NRXN1: variants seen among roughly 807,000 people sequenced by gnomAD.
NRXN1 encodes neurexin-1.
Under a neutral mutation model 150.9 loss-of-function variants are expected in NRXN1, and 39 were observed. That is an observed-to-expected ratio of 0.26 (90% confidence interval 0.20 to 0.34). The LOEUF is 0.34. Among genes scored for constraint, NRXN1 ranks in the 10% least tolerant of loss-of-function variants. NRXN1 has a pLI of 1.00. For synonymous variants in NRXN1, 924 were observed against 757.0 expected, an observed-to-expected ratio of 1.22 and a Z score of -3.62; for missense variants, 1,815 against 1,949.9, an observed-to-expected ratio of 0.93 and a Z score of 1.30.
At chr2:50,915,910 T>C (rs1368205047) in intron 5 of NRXN1, among the ~76,000 whole-genome samples, 2 of 150,110 alleles carry the variant, frequency 1.3e-5, no homozygotes, top group African/African-American at 4.9e-5. Flanking sequence ...TGAGGCTAAA[T>C]TATTTACTCA....
At chr2:50,260,229 T>C (rs958496337) in intron 17 of NRXN1, among the ~76,000 whole-genome samples, 5 of 151,724 alleles carry the variant, frequency 3.3e-5, no homozygotes, top group Admixed American at 2.6e-4. Flanking sequence ...TTTAGGAAAA[T>C]AGAAAAAAAG....
At chr2:50,874,993 A>C (rs528422857) in intron 5 of NRXN1, among the ~76,000 whole-genome samples, 1 of 151,986 alleles carries the variant, frequency 6.6e-6, no homozygotes, top group East Asian at 1.9e-4. Context: ...TTGTCCATAC[A>C]CAAAAGTGGT....
At chr2:50,076,523 G>A (rs1360550761) in intron 19 of NRXN1, among the ~76,000 whole-genome samples, 1 of 152,176 alleles carries the variant, frequency 6.6e-6, no homozygotes, top group Non-Finnish European at 1.5e-5. Context: ...TTAGGAAAAT[G>A]AGATTAAAGA....
chr2:50,367,509 G>C (rs1469531253), intron 17 of NRXN1, among the ~76,000 whole-genome samples: 1 of 151,538 alleles, frequency 6.6e-6, no homozygotes, highest in African/African-American at 2.4e-5. Context: ...TCTGCAACAG[G>C]ATCTGTACCA....
intron 18 of NRXN1, among the ~76,000 whole-genome samples, chr2:50,102,133 C>A (rs766663712): frequency 1.1e-4 from 16 of 151,992 alleles, no homozygotes; most frequent in Non-Finnish European, 2.1e-4. Flanking sequence ...AATCTATGTT[C>A]ATGTGTGTGA....
intron 2 of NRXN1, among the ~76,000 whole-genome samples, chr2:50,945,256 CTT>C (rs1008621672): frequency 1.3e-5 from 2 of 152,168 alleles, no homozygotes; most frequent in Non-Finnish European, 2.9e-5. Context: ...AGGAGGATCA[CTT>C]GAGCCCCAAG....
Position 50,757,746 on chromosome 2 carries a change from G to C in NRXN1, c.833-134131C>G, listed in dbSNP as rs1005991922. The stretch of plus-strand genomic sequence containing the variant: ...TGGGCATGACCAGGAAAAAGTTGAG[G>C]GTTACAAGACTGGTGACCCTCAAGA... On this transcript the variant is annotated intron_variant, in intron 5 of 22. Coordinates refer to ENST00000401669, the MANE Select transcript of NRXN1 (RefSeq NM_001330078.2). Among the ~76,000 whole-genome samples, 8 of 151,674 alleles carry C rather than the reference G, an allele frequency of 5.3e-5. 1 individual carries two copies. The highest frequency in any genetic ancestry group is 4.6e-4 in the Admixed American group (7 of 15,198).
At chr2:50,363,169 A>C (rs2079344659) in intron 17 of NRXN1, among the ~76,000 whole-genome samples, 1 of 152,248 alleles carries the variant, frequency 6.6e-6, no homozygotes, top group African/African-American at 2.4e-5. Flanking sequence ...AACATTCAAA[A>C]CATAGGCATG....
rs903462145 is a variant in NRXN1, at chr2:50,034,812, T to C, written c.4128+18459A>G. On this transcript the variant is annotated intron_variant, in intron 21 of 22. Coordinates refer to ENST00000401669, the MANE Select transcript of NRXN1 (RefSeq NM_001330078.2). ...TCATATTTCCATTCCTTTCTAAAAA[T>C]GTATTTTCTATGTTGACTTACCTGA... Among the ~76,000 whole-genome samples the C allele has an allele frequency of 7.9e-5, 12 of 152,246 alleles. No homozygotes were observed. In the East Asian group the frequency reaches 2.3e-3, roughly 29 times the overall value.
intron 2 of NRXN1, among the ~76,000 whole-genome samples, chr2:50,940,405 G>A (rs1689234223): frequency 6.6e-6 from 1 of 151,394 alleles, no homozygotes; most frequent in African/African-American, 2.4e-5. Context: ...AACCCGGGAG[G>A]TGGAGGTTGC....
At chr2:50,869,237 A>G (rs1342266842) in intron 5 of NRXN1, among the ~76,000 whole-genome samples, 1 of 151,810 alleles carries the variant, frequency 6.6e-6, no homozygotes, top group Admixed American at 6.6e-5. Context: ...CTTCTGGAAA[A>G]ACAAACCAAT....
chr2:49,987,061 T>C (rs891076404), intron 21 of NRXN1, among the ~76,000 whole-genome samples: 59 of 151,950 alleles, frequency 3.9e-4, no homozygotes, highest in African/African-American at 1.4e-3. Context: ...AAAGAAAATA[T>C]ACATTAAATT....
chr2:50,039,756 A>C (rs1690634378), intron 21 of NRXN1, among the ~76,000 whole-genome samples: 1 of 152,214 alleles, frequency 6.6e-6, no homozygotes, highest in African/African-American at 2.4e-5. Flanking sequence ...GATATAATAA[A>C]GGCAAGAGAT....
At chr2:49,986,781 A>AG (rs1680986210) in intron 21 of NRXN1, among the ~76,000 whole-genome samples, 1 of 152,128 alleles carries the variant, frequency 6.6e-6, no homozygotes, top group Non-Finnish European at 1.5e-5. Context: ...AATATACATT[A>AG]GGTTGGGCAT....
At chr2:50,667,729 T>C (rs1005676544) in intron 5 of NRXN1, among the ~76,000 whole-genome samples, 1 of 151,994 alleles carries the variant, frequency 6.6e-6, no homozygotes, top group Admixed American at 6.6e-5. Context: ...TCCCTTCTTA[T>C]CTTTACCACC....
At chr2:50,848,923 C>T (rs1382926175) in intron 5 of NRXN1, among the ~76,000 whole-genome samples, 2 of 152,184 alleles carry the variant, frequency 1.3e-5, no homozygotes, top group African/African-American at 4.8e-5. Context: ...CCATGAGGAA[C>T]AGATTTGCCT....
intron 21 of NRXN1, among the ~76,000 whole-genome samples, chr2:50,029,523 A>G (rs2152566434): frequency 6.6e-6 from 1 of 152,210 alleles, no homozygotes; most frequent in South Asian, 2.1e-4. Context: ...AAGAAGAGGA[A>G]GAGGATGCAC....
intron 5 of NRXN1, among the ~76,000 whole-genome samples, chr2:50,862,408 T>C (rs1406767816): frequency 6.6e-6 from 1 of 152,036 alleles, no homozygotes; most frequent in East Asian, 1.9e-4. Flanking sequence ...TTGAAGTCTC[T>C]CTTCAGACCC....
intron 21 of NRXN1, among the ~76,000 whole-genome samples, chr2:50,045,775 C>T (rs1406796618): frequency 2.6e-5 from 4 of 151,950 alleles, no homozygotes; most frequent in Non-Finnish European, 4.4e-5. Context: ...GAGGAAGTGC[C>T]AACTTCACCA....
Sources: allele counts gnomAD v4.1 joint callset (sites outside exome capture counted in the v4.1 genomes callset), GRCh38; gene constraint gnomAD v4.1.1; transcripts MANE v1.5; gene names NCBI Gene and HGNC (gene_info 2026-07-23, HGNC 2026-07-21).